The following ASIC2 variants were observed in gnomAD, a reference collection of about 807,000 sequenced individuals.
ASIC2 encodes the protein acid sensing ion channel subunit 2, also known as acid-sensing ion channel 2.
A neutral mutation model predicts 57.3 loss-of-function variants in ASIC2; 25 were observed. The ratio of observed to expected loss-of-function variants is 0.44; its 90% CI spans 0.32 to 0.61. The LOEUF (loss-of-function observed/expected upper bound fraction) is 0.61. Among genes scored for constraint, ASIC2 ranks in the 20% least tolerant of loss-of-function variants. The probability of loss-of-function intolerance (pLI) is 0.06; values close to 1 mark genes in which losing one functional copy is unlikely to be tolerated. For missense variants in ASIC2, 641 were observed against 738.1 expected, an observed-to-expected ratio of 0.87 and a Z score of 1.52; for synonymous variants, 319 against 307.5, an observed-to-expected ratio of 1.04 and a Z score of -0.39.
chr17:33,579,868 C>T (rs1419965628), intron 1 of ASIC2, among the ~76,000 whole-genome samples: 1 of 152,186 alleles, frequency 6.6e-6, no homozygotes, highest in Non-Finnish European at 1.5e-5. Flanking sequence ...GCCCCACCCA[C>T]ATCCTGCTTA....
intron 1 of ASIC2, among the ~76,000 whole-genome samples, chr17:33,889,488 G>A (rs1914910780): frequency 6.6e-6 from 1 of 152,060 alleles, no homozygotes; most frequent in Admixed American, 6.6e-5. Flanking sequence ...ACATTGACTT[G>A]AATTATGTTG....
At chr17:33,951,415 C>T (rs1904558404) in intron 1 of ASIC2, among the ~76,000 whole-genome samples, 4 of 152,022 alleles carry the variant, frequency 2.6e-5, no homozygotes, top group Admixed American at 2.6e-4. Context: ...GGAAGCTGTG[C>T]CTTCCTGTGC....
chr17:33,910,064 G>A lies in ASIC2; in HGVS notation c.555+245914C>T, dbSNP rs75013857. Reference sequence around the variant, plus strand: ...ATGAGTGTTAAATGAGTGAATACCCGTGCAGTGCTAAGAGTGGTGCTTGGC... The same window carrying A: ...ATGAGTGTTAAATGAGTGAATACCCATGCAGTGCTAAGAGTGGTGCTTGGC... On this transcript the variant is annotated intron_variant, in intron 1 of 9. Transcript: ENST00000359872. 5.5e-3 allele frequency among the ~76,000 whole-genome samples: 830 copies of A among 152,230 alleles called. 12 individuals carry two copies. Among genetic ancestry groups the A allele is most frequent in the Non-Finnish European group, 8.1e-3 (549 of 68,024 alleles).
intron 1 of ASIC2, among the ~76,000 whole-genome samples, chr17:33,882,085 C>T (rs1914714589): frequency 6.6e-6 from 1 of 152,198 alleles, no homozygotes; most frequent in African/African-American, 2.4e-5. Flanking sequence ...GGATCCCTTC[C>T]TTACACCTTA....
At chr17:33,139,689 G>A (rs567063623) in intron 1 of ASIC2, among the ~76,000 whole-genome samples, 1 of 152,234 alleles carries the variant, frequency 6.6e-6, no homozygotes, top group Admixed American at 6.5e-5. Context: ...TGGTCTCTCA[G>A]ACTGGGCCCC....
intron 1 of ASIC2, among the ~76,000 whole-genome samples, chr17:33,642,451 GAC>G (rs1217062921): frequency 6.6e-6 from 1 of 152,104 alleles, no homozygotes; most frequent in Non-Finnish European, 1.5e-5. Context: ...ATTCCACTCT[GAC>G]ACACTGTTTG....
intron 1 of ASIC2, among the ~76,000 whole-genome samples, chr17:33,815,670 C>T (rs749077327): frequency 2.0e-5 from 3 of 152,156 alleles, no homozygotes; most frequent in Non-Finnish European, 4.4e-5. Context: ...TAGCTAATGA[C>T]TGGATACCAG....
chr17:33,139,100 T>C (rs1208729623), intron 1 of ASIC2, among the ~76,000 whole-genome samples: 1 of 152,222 alleles, frequency 6.6e-6, no homozygotes, highest in Admixed American at 6.5e-5. Context: ...TCACCATCCA[T>C]GGCTTTTGAC....
At chr17:33,176,849 G>A (rs1905776917) in intron 1 of ASIC2, among the ~76,000 whole-genome samples, 2 of 152,312 alleles carry the variant, frequency 1.3e-5, no homozygotes, top group Admixed American at 1.3e-4. Flanking sequence ...GAGCACTGTA[G>A]AATGGCCACC....
chr17:33,579,674 C>G (rs978612888), intron 1 of ASIC2, among the ~76,000 whole-genome samples: 3 of 152,088 alleles, frequency 2.0e-5, no homozygotes, highest in Non-Finnish European at 4.4e-5. Context: ...GTCTGGCAGA[C>G]TTCTAGAGTG....
intron 1 of ASIC2, among the ~76,000 whole-genome samples, chr17:33,471,712 C>T (rs35122882): frequency 0.039 from 5,971 of 152,156 alleles, 205 homozygotes; most frequent in East Asian, 0.12. Flanking sequence ...CTAAGCATAA[C>T]ACAAGAAATA....
intron 1 of ASIC2, among the ~76,000 whole-genome samples, chr17:34,095,277 C>A (rs1001112939): frequency 3.9e-5 from 6 of 152,134 alleles, no homozygotes; most frequent in African/African-American, 7.2e-5. Flanking sequence ...CTGGCTCGGA[C>A]TAAGGGAGCT....
At chr17:33,467,259 A>T (rs146342809) in intron 1 of ASIC2, among the ~76,000 whole-genome samples, 6 of 152,120 alleles carry the variant, frequency 3.9e-5, no homozygotes, top group East Asian at 1.9e-4. Context: ...ATTTTTTTTT[A>T]AGTTTAAAAA....
At chr17:33,936,082 A>G (rs1296669792) in intron 1 of ASIC2, 1 of 152,228 alleles carries the variant, frequency 6.6e-6, no homozygotes. Context: ...TGGGGATCGA[A>G]CAGGAGATAG....
intron 1 of ASIC2, among the ~76,000 whole-genome samples, chr17:33,639,509 C>A (rs1343401698): frequency 2.6e-5 from 4 of 152,152 alleles, no homozygotes; most frequent in Non-Finnish European, 5.9e-5. Flanking sequence ...ACTCTGGGGT[C>A]CCTGGGAGCC....
At chr17:33,430,071 C>G (rs1182854857) in intron 1 of ASIC2, among the ~76,000 whole-genome samples, 1 of 152,190 alleles carries the variant, frequency 6.6e-6, no homozygotes, top group East Asian at 1.9e-4. Context: ...TTTCTCCAGT[C>G]CCATCCCCAG....
At chr17:34,024,545 A>G (rs1045152252) in intron 1 of ASIC2, among the ~76,000 whole-genome samples, 2 of 152,218 alleles carry the variant, frequency 1.3e-5, no homozygotes, top group Non-Finnish European at 2.9e-5. Context: ...TCCTGGCACT[A>G]AAACCTCATT....
intron 1 of ASIC2, among the ~76,000 whole-genome samples, chr17:33,850,354 C>T (rs573781842): frequency 7.9e-4 from 121 of 152,308 alleles, no homozygotes; most frequent in African/African-American, 2.4e-3. Flanking sequence ...AGTATCTCGT[C>T]GCCACATATC....
intron 1 of ASIC2, among the ~76,000 whole-genome samples, chr17:33,377,826 T>A (rs956090428): frequency 6.6e-6 from 1 of 152,262 alleles, no homozygotes; most frequent in African/African-American, 2.4e-5. Flanking sequence ...TGCTGGCACC[T>A]TGGTCAAGTC....
Sources: gnomAD v4.1 joint callset for allele counts (sites outside exome capture counted in the v4.1 genomes callset) on GRCh38, gnomAD v4.1.1 for gene constraint, MANE v1.5 for transcripts, NCBI Gene and HGNC (gene_info 2026-07-23, HGNC 2026-07-21) for gene names.